ZNF385A: variants seen among roughly 807,000 people sequenced by gnomAD.
ZNF385A encodes the protein zinc finger protein 385A.
Under a neutral mutation model 32.1 loss-of-function variants are expected in ZNF385A, and 14 were observed. The ratio of observed to expected loss-of-function variants is 0.44; its 90% CI spans 0.29 to 0.68. The LOEUF (loss-of-function observed/expected upper bound fraction) is 0.68. Ranked by LOEUF, ZNF385A falls within the 30% of genes least tolerant of loss-of-function variation. ZNF385A has a pLI of 0.14. For missense variants in ZNF385A, 406 were observed against 478.4 expected (o/e 0.85, Z 1.41); for synonymous variants, 197 against 202.7 (o/e 0.97, Z 0.24).
intron 1 of ZNF385A, among the ~76,000 whole-genome samples, chr12:54,377,053 A>G (rs2706257): frequency 0.97 from 146,966 of 152,286 alleles, 71,114 homozygotes; most frequent in East Asian, 1. Context: ...AGCCGAGCCC[A>G]TCTCTGTGAC....
At chr12:54,383,146 T>C (rs931241313) in intron 1 of ZNF385A, among the ~76,000 whole-genome samples, 7 of 151,934 alleles carry the variant, frequency 4.6e-5, no homozygotes, top group African/African-American at 1.5e-4. Context: ...GCCTGAGAGA[T>C]TGAGCAAGAC....
At chr12:54,371,975 G>C (rs1283435939) in intron 3 of ZNF385A, among the ~76,000 whole-genome samples, 1 of 152,194 alleles carries the variant, frequency 6.6e-6, no homozygotes, top group Non-Finnish European at 1.5e-5. Context: ...CTACCTTCAG[G>C]GTGAAGCTGG....
At chr12:54,389,197 G>C (rs935856819), upstream of ZNF385A, among the ~76,000 whole-genome samples, 17 of 152,178 alleles carry the variant, frequency 1.1e-4, no homozygotes, top group African/African-American at 3.4e-4. Flanking sequence ...TTAAACCTGG[G>C]GCCCAGACTC....
chr12:54,390,916 C>A (rs966632576), intron 1 of ZNF385A, among the ~76,000 whole-genome samples: 2 of 152,062 alleles, frequency 1.3e-5, no homozygotes, highest in African/African-American at 2.4e-5. Flanking sequence ...GCCCCCTCCC[C>A]CAGCCTCTCG....
chr12:54,381,330 A>G (rs1389228609), intron 1 of ZNF385A: 1 of 152,196 alleles, frequency 6.6e-6, no homozygotes, highest in Non-Finnish European at 1.5e-5. Flanking sequence ...TTGGAACATC[A>G]GTTTAAATCC....
In ZNF385A at chr12:54,371,504, G is replaced by A; in HGVS notation, c.573C>T (p.Asn191=). ...TATGTGCCTCAAGCTGGGACAGGGAGTTCACAGCCACCTTGCACAGAGCAC... is the reference window on the plus strand; with the variant it reads ...TATGTGCCTCAAGCTGGGACAGGGAATTCACAGCCACCTTGCACAGAGCAC... ...LYCALCKVAV[N]SLSQLEAHNK... is the part of the protein sequence containing the mutation. Residue 191 remains asparagine (N), a synonymous_variant, in exon 4 of 7, where the codon AAC becomes AAT. Transcript: ENST00000394313. The A allele has an allele frequency of 1.2e-6, 2 of 1,610,482 alleles. No homozygotes were observed. Among genetic ancestry groups the A allele is most frequent in the Non-Finnish European group, 8.5e-7 (1 of 1,178,490 alleles).
rs768725918 is a variant in ZNF385A at position 54,370,527 on chromosome 12, G to C, written c.871-41C>G. 6.5e-5 allele frequency: 101 copies of C among 1,550,228 alleles called. No individual in the cohort carries two copies. Among genetic ancestry groups the C allele is most frequent in the Non-Finnish European group, 8.4e-5 (96 of 1,146,310 alleles). ...GGCGGAGGAAGAGAAGTCACCCGGC[G>C]GTCCTGCAAACCCCACCTCTCCCTG... On this transcript the variant is annotated intron_variant, in intron 6 of 6. Transcript: ENST00000394313. This position sits in a 1 kb window ranked among gnomAD's most constrained non-coding sequence, Gnocchi z 5.5.
rs1954433999 is a variant in ZNF385A at position 54,370,085 on chromosome 12, A to G, written c.*171T>C. 5.9e-6 allele frequency: 3 copies of G among 507,536 alleles called. No individual in the cohort carries two copies. The South Asian group carries it at 1.5e-4, about 25-fold the overall frequency. The allele number at this position is 507,536 out of a possible 1,614,324, so 31.4% of individuals were successfully genotyped here. On this transcript the variant is annotated 3_prime_UTR_variant, in exon 7 of 7. Coordinates refer to ENST00000394313, the MANE Select transcript of ZNF385A (RefSeq NM_015481.3). The surrounding 1 kb of genome is among the most constrained non-coding windows in gnomAD (Gnocchi z 5.5). The stretch of plus-strand genomic sequence containing the variant: ...ATCTGGGGTGTTCCCCCCCTTCTGA[A>G]GCCCCCCTCCCCCGCTACCCCTCCC...
upstream of ZNF385A, among the ~76,000 whole-genome samples, chr12:54,389,695 G>A (rs1347758305): frequency 1.3e-5 from 2 of 152,322 alleles, no homozygotes; most frequent in Non-Finnish European, 1.5e-5. Flanking sequence ...CCAGGGTGGA[G>A]CCAGGGTGCA....
chr12:54,391,263 C>A, exon 1 of ZNF385A: 1 of 1,095,394 alleles, frequency 9.1e-7, no homozygotes, highest in Non-Finnish European at 1.1e-6. Context: ...CCCAGGCGCC[C>A]GGGGTTCCGC....
chr12:54,380,235 T>C (rs1955075819), intron 1 of ZNF385A, among the ~76,000 whole-genome samples: 1 of 152,258 alleles, frequency 6.6e-6, no homozygotes, highest in African/African-American at 2.4e-5. Flanking sequence ...CATCTAATGT[T>C]GATTGAGCCC....
intron 3 of ZNF385A, 48 bp from the exon 4 acceptor site, chr12:54,371,763 GAAGA>G (rs1179869086): frequency 1.2e-6 from 2 of 1,603,708 alleles, no homozygotes; most frequent in Admixed American, 3.5e-5. Context: ...GGCTCTTGGA[GAAGA>G]CTCTTCATGT....
intron 2 of ZNF385A, 50 bp from the exon 3 acceptor site, chr12:54,374,185 C>T (rs1430369367): frequency 1.2e-5 from 17 of 1,378,926 alleles, no homozygotes; most frequent in Non-Finnish European, 1.6e-5. Context: ...TTTCATCTGA[C>T]CGATCTCCCC....
At chr12:54,375,085 T>TGC (rs1469412054) in intron 2 of ZNF385A, among the ~76,000 whole-genome samples, 1 of 151,972 alleles carries the variant, frequency 6.6e-6, no homozygotes, top group Non-Finnish European at 1.5e-5. Flanking sequence ...TGTGTGTGTG[T>TGC]GTCTCTGTAC....
In ZNF385A at chr12:54,370,116, C is replaced by G. The variant is rs1219705794; in HGVS notation, c.*140G>C. On this transcript the variant is annotated 3_prime_UTR_variant, in exon 7 of 7. Transcript: ENST00000394313. This position sits in a 1 kb window ranked among gnomAD's most constrained non-coding sequence, Gnocchi z 5.5. ...CCTCCCCCGCTACCCCTCCCCTTTC[C>G]TGGAACCCCGTATCTCGGGGTGGGG... The G allele has an allele frequency of 2.8e-6, 2 of 707,252 alleles. No homozygotes were observed. Among genetic ancestry groups the G allele is most frequent in the Admixed American group, 3.8e-5 (1 of 26,430 alleles). 43.8% of individuals were successfully genotyped at this position (707,252 alleles called of 1,614,324 possible). A position where few individuals can be genotyped will look rare whatever the true frequency, so the allele number is the denominator to read the frequency against.
chr12:54,386,602 G>A (rs1955493630), upstream of ZNF385A, among the ~76,000 whole-genome samples: 1 of 152,132 alleles, frequency 6.6e-6, no homozygotes, highest in Non-Finnish European at 1.5e-5. Flanking sequence ...GCGGCATCAG[G>A]AATGGTGAGA....
At chr12:54,382,070 ATTTT>A (rs1365865153) in intron 1 of ZNF385A, among the ~76,000 whole-genome samples, 1 of 142,962 alleles carries the variant, frequency 7.0e-6, no homozygotes. Context: ...GTTAAATTGA[ATTTT>A]TTTTTTTTTT....
chr12:54,386,934 C>T (rs1955506006), upstream of ZNF385A, among the ~76,000 whole-genome samples: 3 of 152,198 alleles, frequency 2.0e-5, 1 homozygote, highest in South Asian at 4.1e-4. Context: ...TTCTACTTGA[C>T]TTATGAGGAA....
Position 54,384,566 on chromosome 12 carries a change from T to C in ZNF385A, c.-52A>G. 6.8e-7 allele frequency: 1 copy of C among 1,460,068 alleles called. No homozygotes were observed. Among genetic ancestry groups the C allele is most frequent in the Non-Finnish European group, 9.0e-7 (1 of 1,105,916 alleles). 90.4% of individuals were successfully genotyped at this position (1,460,068 alleles called of 1,614,324 possible). A position where few individuals can be genotyped will look rare whatever the true frequency, so the allele number is the denominator to read the frequency against. ...GGGGCCCTGCCCGGCTCAGGCTGCCTGAAGGGCAGAGAAAACATTCTGTGG... is the reference window on the plus strand; with the variant it reads ...GGGGCCCTGCCCGGCTCAGGCTGCCCGAAGGGCAGAGAAAACATTCTGTGG... On this transcript the variant is annotated 5_prime_UTR_variant, in exon 1 of 7. Transcript: ENST00000394313.
Sources: allele counts gnomAD v4.1 joint callset (sites outside exome capture counted in the v4.1 genomes callset), GRCh38; gene constraint gnomAD v4.1.1; non-coding constraint Gnocchi (gnomAD v3.1); transcripts MANE v1.5; gene names NCBI Gene and HGNC (gene_info 2026-07-23, HGNC 2026-07-21).